The following OGFOD3 variants were observed in gnomAD, a reference collection of about 807,000 sequenced individuals.
OGFOD3 encodes the protein 2-oxoglutarate and iron dependent oxygenase domain containing 3.
Under a neutral mutation model 39.8 loss-of-function variants are expected in OGFOD3, and 35 were observed. The ratio of observed to expected loss-of-function variants is 0.88; its 90% CI spans 0.67 to 1.17. The LOEUF is 1.17. Ranked by LOEUF, OGFOD3 falls within the 50% of genes most tolerant of loss-of-function variation. The pLI, the probability that OGFOD3 is intolerant of heterozygous loss-of-function variation, is 0.00. For missense variants in OGFOD3, 438 were observed against 454.5 expected, an observed-to-expected ratio of 0.96 and a Z score of 0.33; for synonymous variants, 200 against 192.0, an observed-to-expected ratio of 1.04 and a Z score of -0.34.
intron 1 of OGFOD3, 116 bp downstream of exon 1, chr17:82,418,296 C>CCCCCCCA (rs1555614467): frequency 4.2e-4 from 22 of 52,772 alleles, no homozygotes; most frequent in African/African-American, 3.2e-3. Flanking sequence ...GCCCACCTGC[C>CCCCCCCA]CCCCCCCACC....
rs2052852742 is a variant in OGFOD3, at chr17:82,406,164, A to G, written c.488+254T>C. On this transcript the variant is annotated intron_variant, in intron 5 of 8. Coordinates refer to ENST00000313056, the MANE Select transcript of OGFOD3 (RefSeq NM_024648.3). This position sits in a 1 kb window ranked among gnomAD's most constrained non-coding sequence, Gnocchi z 5.2. ...CATCCCTTCTGTCCCTGGGCCCACA[A>G]AAACACCAGATTCCCCTAAAGCTTC... 2.0e-5 allele frequency among the ~76,000 whole-genome samples: 3 copies of G among 152,050 alleles called. No individual in the cohort carries two copies.
intron 3 of OGFOD3, among the ~76,000 whole-genome samples, chr17:82,410,017 G>A (rs2052919179): frequency 6.6e-6 from 1 of 152,230 alleles, no homozygotes. Context: ...CTAGGGGAGG[G>A]CCCACTGCTC....
rs991083956 is a variant in OGFOD3, at chr17:82,390,258, A to C, written c.*2140T>G. 6.6e-6 allele frequency: 1 copy of C among 152,296 alleles called. No homozygotes were observed. Among genetic ancestry groups the C allele is most frequent in the Admixed American group, 6.5e-5 (1 of 15,288 alleles). The allele number at this position is 152,296 out of a possible 1,614,324, so 9.4% of individuals were successfully genotyped here. A position where few individuals can be genotyped will look rare whatever the true frequency, so the allele number is the denominator to read the frequency against. On this transcript the variant is annotated 3_prime_UTR_variant, in exon 9 of 9. Transcript: ENST00000313056. The surrounding 1 kb of genome is among the most constrained non-coding windows in gnomAD (Gnocchi z 4.9). ...TCATTTACTCCAAGGTGACAGGATC[A>C]GGTTTCCATGCAGCATTTTCCACCT...
rs146574270 is a variant in OGFOD3 at position 82,406,476 on chromosome 17, T to A, written c.430A>T (p.Ile144Phe). ...SLGGSDGGAS[I>F]LDLHSGALSV... ...AGGGCCCCTGAGTGCAAGTCCAGAA[T>A]GGATGCCTGGAAAAGACGTTGTGGA... Residue 144 changes from isoleucine (I) to phenylalanine (F), a missense_variant, in exon 5 of 9, where the codon ATT (isoleucine) becomes TTT (phenylalanine). Ile to Phe is a conservative substitution (Grantham distance 21). Transcript: ENST00000313056. The surrounding 1 kb of genome is among the most constrained non-coding windows in gnomAD (Gnocchi z 5.2). 6.2e-7 allele frequency: 1 copy of A among 1,614,120 alleles called. No individual in the cohort carries two copies. The highest frequency in any genetic ancestry group is 8.5e-7 in the Non-Finnish European group (1 of 1,179,974).
At chr17:82,403,825 C>A (rs1468612027) in intron 7 of OGFOD3, 112 bp downstream of exon 7, 4 of 1,436,656 alleles carry the variant, frequency 2.8e-6, no homozygotes, top group East Asian at 4.9e-5. Context: ...CCCACGGGCA[C>A]GCTCACCTTG....
chr17:82,412,496 G>A (rs2052966660), intron 2 of OGFOD3, among the ~76,000 whole-genome samples: 1 of 150,812 alleles, frequency 6.6e-6, no homozygotes, highest in South Asian at 2.1e-4. Context: ...CAGCGGCAGT[G>A]TCGTTGGGAC....
At chr17:82,396,143 TAGAC>T (rs1407786874) in intron 8 of OGFOD3, among the ~76,000 whole-genome samples, 94 of 149,508 alleles carry the variant, frequency 6.3e-4, no homozygotes, top group African/African-American at 2.2e-3. Context: ...TAGATACAAT[TAGAC>T]AGATGTACGA....
intron 7 of OGFOD3, among the ~76,000 whole-genome samples, chr17:82,398,886 C>CTTTTT (rs112854665): frequency 2.8e-5 from 4 of 142,886 alleles, no homozygotes; most frequent in African/African-American, 7.8e-5. Context: ...TTTTTCTTTT[C>CTTTTT]TATTTTTTTT....
In OGFOD3 at chr17:82,404,323, G is replaced by C. The variant is rs1295105458; in HGVS notation, c.546-233C>G. Among the ~76,000 whole-genome samples, 1 of 152,236 alleles carries C rather than the reference G, an allele frequency of 6.6e-6. No homozygotes were observed. The highest frequency in any genetic ancestry group is 1.5e-5 in the Non-Finnish European group (1 of 68,038). On this transcript the variant is annotated intron_variant, in intron 6 of 8. Coordinates refer to ENST00000313056, the MANE Select transcript of OGFOD3 (RefSeq NM_024648.3). The surrounding 1 kb of genome is among the most constrained non-coding windows in gnomAD (Gnocchi z 4.5). ...GCAAGACCACAGCAGCAGGACTGGGGAGGCAGAAGGGGGCCTGCAGGACCA... is the reference window on the plus strand; with the variant it reads ...GCAAGACCACAGCAGCAGGACTGGGCAGGCAGAAGGGGGCCTGCAGGACCA...
rs999921184 is a variant in OGFOD3 at position 82,405,246 on chromosome 17, G to A, written c.545+78C>T. The stretch of plus-strand genomic sequence containing the variant: ...CTGGGCCTCTCCGTGGGGCCTCCCC[G>A]GACCGGCCAGCTCTGCCACACCCCT... On this transcript the variant is annotated intron_variant, in intron 6 of 8. Coordinates refer to ENST00000313056, the MANE Select transcript of OGFOD3 (RefSeq NM_024648.3). 60 of 1,307,592 alleles carry A rather than the reference G, an allele frequency of 4.6e-5. 1 individual carries two copies. Among genetic ancestry groups the A allele is most frequent in the Middle Eastern group, 4.5e-4 (2 of 4,414 alleles). The allele number at this position is 1,307,592 out of a possible 1,614,324, so 81.0% of individuals were successfully genotyped here.
intron 2 of OGFOD3, among the ~76,000 whole-genome samples, chr17:82,411,860 G>C (rs761462198): frequency 6.6e-6 from 1 of 152,178 alleles, no homozygotes; most frequent in Non-Finnish European, 1.5e-5. Context: ...ACACCCACAG[G>C]CACCGTCAGA....
rs756501679 is a variant in OGFOD3 at position 82,415,473 on chromosome 17, G to C, written c.229C>G (p.Arg77Gly). The change falls in exon 2 of 9, where the codon CGT becomes GGT. Residue 77 changes from arginine (R) to glycine (G), a missense_variant. Arg to Gly is a moderately radical substitution (Grantham distance 125). Transcript: ENST00000313056. This position sits in a 1 kb window ranked among gnomAD's most constrained non-coding sequence, Gnocchi z 5.3. ...AATCTCCCTGCCACGACCTCGCCAC[G>C]GCGGGCCAGGACCTCTGCGACCCCG... Reference protein sequence around the residue: ...DDGVAEVLARRGEVVAGRFIE... With the variant: ...DDGVAEVLARGGEVVAGRFIE... 2.1e-5 allele frequency: 34 copies of C among 1,613,788 alleles called. 1 individual carries two copies. The South Asian group carries it at 2.9e-4, about 14-fold the overall frequency.
chr17:82,410,411 A>G (rs1236897454), intron 3 of OGFOD3, among the ~76,000 whole-genome samples: 1 of 152,234 alleles, frequency 6.6e-6, no homozygotes, highest in Non-Finnish European at 1.5e-5. Flanking sequence ...GATCTCAGTA[A>G]GAAAAGTCCA....
Position 82,415,663 on chromosome 17 carries a change from G to T in OGFOD3, c.75-36C>A. The T allele has an allele frequency of 6.4e-7, 1 of 1,554,820 alleles. No individual in the cohort carries two copies. On this transcript the variant is annotated intron_variant, in intron 1 of 8. Coordinates refer to ENST00000313056, the MANE Select transcript of OGFOD3 (RefSeq NM_024648.3). The surrounding 1 kb of genome is among the most constrained non-coding windows in gnomAD (Gnocchi z 5.3). ...AAAACAGGCCACGTCACCCAAACAC[G>T]GAGTGAGGCCAGAGAAAACGCTCCC...
chr17:82,404,671 T>C lies in OGFOD3; in HGVS notation c.546-581A>G, dbSNP rs1200019620. On this transcript the variant is annotated intron_variant, in intron 6 of 8. Transcript: ENST00000313056. The surrounding 1 kb of genome is among the most constrained non-coding windows in gnomAD (Gnocchi z 4.5). ...GGTCACTCATGTGTCCTGGGATGGT[T>C]GCGTGACTCTTAGCTCCTTTGCCCT... 6.6e-6 allele frequency among the ~76,000 whole-genome samples: 1 copy of C among 151,728 alleles called. No homozygotes were observed. Among genetic ancestry groups the C allele is most frequent in the Non-Finnish European group, 1.5e-5 (1 of 67,966 alleles).
chr17:82,414,415 G>A (rs2053000641), intron 2 of OGFOD3, among the ~76,000 whole-genome samples: 1 of 152,196 alleles, frequency 6.6e-6, no homozygotes, highest in Non-Finnish European at 1.5e-5. Flanking sequence ...TGGGATTGAG[G>A]ATGAGCCACT....
chr17:82,401,819 A>AAAAAAAAAAAAAAAAAAC (rs2052770824), intron 7 of OGFOD3, among the ~76,000 whole-genome samples: 1 of 149,968 alleles, frequency 6.7e-6, no homozygotes, highest in African/African-American at 2.5e-5. Flanking sequence ...AAAAAAAAAA[A>AAAAAAAAAAAAAAAAAAC]AAAACAAAGA....
rs977711862 is a variant in OGFOD3, at chr17:82,390,223, G to A, written c.*2175C>T. On this transcript the variant is annotated 3_prime_UTR_variant, in exon 9 of 9. Transcript: ENST00000313056. This position sits in a 1 kb window ranked among gnomAD's most constrained non-coding sequence, Gnocchi z 4.9. Reference sequence around the variant, plus strand: ...TATCCTTTAGACGTGGCGAGAAGCCGGCGACATCATCATTTACTCCAAGGT... The same window carrying A: ...TATCCTTTAGACGTGGCGAGAAGCCAGCGACATCATCATTTACTCCAAGGT... 10 of 152,168 alleles carry A rather than the reference G, an allele frequency of 6.6e-5. No individual in the cohort carries two copies. The highest frequency in any genetic ancestry group is 1.9e-4 in the African/African-American group (8 of 41,424). The allele number at this position is 152,168 out of a possible 1,614,324, so 9.4% of individuals were successfully genotyped here.
intron 2 of OGFOD3, among the ~76,000 whole-genome samples, chr17:82,413,215 C>T (rs1469196826): frequency 2.0e-5 from 3 of 152,250 alleles, no homozygotes; most frequent in Admixed American, 6.5e-5. Context: ...ATGAGAGCCA[C>T]ACAGGCCCGT....
Sources: allele counts gnomAD v4.1 joint callset (sites outside exome capture counted in the v4.1 genomes callset), GRCh38; gene constraint gnomAD v4.1.1; non-coding constraint Gnocchi (gnomAD v3.1); transcripts MANE v1.5; gene names NCBI Gene and HGNC (gene_info 2026-07-23, HGNC 2026-07-21).